WDR89: variants seen among roughly 807,000 people sequenced by gnomAD.
The protein encoded by WDR89 is WD repeat-containing protein 89.
In WDR89, 17 loss-of-function variants were observed where a neutral mutation model predicts 29.1. The observed-to-expected ratio is 0.58, with a 90% CI of 0.40 to 0.88. The LOEUF (loss-of-function observed/expected upper bound fraction) is 0.88. WDR89 is among the 40% of genes least tolerant of loss of function. The pLI is 0.00. For missense variants in WDR89, 396 were observed against 456.3 expected (o/e 0.87, Z 1.20); for synonymous variants, 138 against 157.8 (o/e 0.87, Z 0.94).
chr14:63,610,919 C>T (rs1881943668), intron 2 of WDR89, among the ~76,000 whole-genome samples: 1 of 151,278 alleles, frequency 6.6e-6, no homozygotes, highest in Non-Finnish European at 1.5e-5. Context: ...CCAGGCTGGT[C>T]TCGAACTCCT....
chr14:63,634,116 G>C (rs895467362), intron 1 of WDR89, among the ~76,000 whole-genome samples: 6 of 152,232 alleles, frequency 3.9e-5, no homozygotes, highest in African/African-American at 1.4e-4. Flanking sequence ...GCCGGGCACA[G>C]TGGCTCACAC....
intron 2 of WDR89, among the ~76,000 whole-genome samples, chr14:63,618,390 A>T (rs1882452541): frequency 6.6e-6 from 1 of 152,088 alleles, no homozygotes; most frequent in Admixed American, 6.6e-5. Context: ...CCTGGACTCA[A>T]GCAATCTGCC....
rs966450840 is a variant in WDR89, at chr14:63,601,863, G to A, written c.-31-1890C>T. 5.9e-5 allele frequency: 41 copies of A among 690,242 alleles called. No homozygotes were observed. In the East Asian group the frequency reaches 6.1e-4, roughly 10 times the overall value. The allele number at this position is 690,242 out of a possible 1,614,324, so 42.8% of individuals were successfully genotyped here. A position where few individuals can be genotyped will look rare whatever the true frequency, so the allele number is the denominator to read the frequency against. ...TCAACATGAAGCTGCCCATTCCACC[G>A]AAGTTCTGAAATCTTTCATCATGTA... On this transcript the variant is annotated intron_variant, in intron 2 of 2. Transcript: ENST00000620954.
At chr14:63,601,366 G>T in intron 2 of WDR89, 7 of 559,864 alleles carry the variant, frequency 1.3e-5, no homozygotes, top group South Asian at 8.0e-5. Flanking sequence ...CACGGACTGT[G>T]CTCTAAACCA....
chr14:63,637,590 A>G (rs1883820797), intron 1 of WDR89, among the ~76,000 whole-genome samples: 1 of 152,130 alleles, frequency 6.6e-6, no homozygotes, highest in Admixed American at 6.6e-5. Context: ...GTGTATATAT[A>G]TGTGTATATA....
chr14:63,626,676 CAAAAAAAAAAAA>C (rs35582220), intron 1 of WDR89, among the ~76,000 whole-genome samples: 20 of 34,586 alleles, frequency 5.8e-4, no homozygotes, highest in East Asian at 2.9e-3. Context: ...GAGACTGTCT[CAAAAAAAAAAAA>C]AAAAAAAAAA....
intron 1 of WDR89, among the ~76,000 whole-genome samples, chr14:63,631,062 G>A (rs1883369231): frequency 6.6e-6 from 1 of 152,162 alleles, no homozygotes; most frequent in Admixed American, 6.6e-5. Flanking sequence ...ACTGGGCCCA[G>A]CCTGTACTGT....
intron 2 of WDR89, among the ~76,000 whole-genome samples, chr14:63,618,446 T>C (rs1882456758): frequency 6.6e-6 from 1 of 152,180 alleles, no homozygotes; most frequent in South Asian, 2.1e-4. Flanking sequence ...GGAGGCAGTG[T>C]GCCTGGCTTG....
At chr14:63,600,063 C>T (rs1372312894) in intron 2 of WDR89, 90 bp from the exon 3 acceptor site, 6 of 720,190 alleles carry the variant, frequency 8.3e-6, no homozygotes, top group Non-Finnish European at 1.2e-5. Flanking sequence ...TCTAAAATTG[C>T]AATTAAATCA....
chr14:63,633,867 G>C (rs1883562524), intron 1 of WDR89, among the ~76,000 whole-genome samples: 1 of 152,180 alleles, frequency 6.6e-6, no homozygotes, highest in Non-Finnish European at 1.5e-5. Context: ...CAGATGTGAA[G>C]GATAAAAAGA....
chr14:63,637,998 T>A (rs1883850678), intron 1 of WDR89, among the ~76,000 whole-genome samples: 1 of 151,768 alleles, frequency 6.6e-6, no homozygotes. Context: ...CAGGCTGGAG[T>A]GCAGTGGCAC....
chr14:63,600,844 G>C (rs539776454), intron 2 of WDR89, among the ~76,000 whole-genome samples: 2 of 149,234 alleles, frequency 1.3e-5, no homozygotes, highest in Non-Finnish European at 3.0e-5. Flanking sequence ...TGGAATTAAG[G>C]TTGCTTATCA....
intron 2 of WDR89, among the ~76,000 whole-genome samples, chr14:63,619,043 T>C (rs1882502018): frequency 6.6e-6 from 1 of 152,166 alleles, no homozygotes; most frequent in Non-Finnish European, 1.5e-5. Flanking sequence ...TGCGTATTTT[T>C]AAAAATCATG....
intron 1 of WDR89, among the ~76,000 whole-genome samples, chr14:63,636,964 C>T (rs758070825): frequency 1.3e-5 from 2 of 152,136 alleles, no homozygotes; most frequent in Non-Finnish European, 2.9e-5. Flanking sequence ...GAATTGTCAA[C>T]AGAGTCAATA....
chr14:63,614,718 A>C (rs1267994311), intron 2 of WDR89, among the ~76,000 whole-genome samples: 2 of 152,256 alleles, frequency 1.3e-5, no homozygotes, highest in African/African-American at 2.4e-5. Context: ...TGTATGTTTT[A>C]AACTAACACA....
intron 2 of WDR89, among the ~76,000 whole-genome samples, chr14:63,606,321 T>A (rs1895319179): frequency 1.3e-5 from 2 of 152,102 alleles, no homozygotes; most frequent in South Asian, 2.1e-4. Context: ...AAAGTAGAAA[T>A]AGGCTTATGG....
chr14:63,631,953 A>C (rs1191215479), intron 1 of WDR89, among the ~76,000 whole-genome samples: 3 of 151,932 alleles, frequency 2.0e-5, no homozygotes, highest in Non-Finnish European at 4.4e-5. Flanking sequence ...CTCTACTAAA[A>C]ACAGAAAAAT....
chr14:63,597,260 C>A lies in WDR89; in HGVS notation c.*1519G>T, dbSNP rs1384034870. ...CAGGAGAACATCGTAGGGGAAACCA[C>A]CCCCATGATCCAATCACCTCCCACC... On this transcript the variant is annotated 3_prime_UTR_variant, in exon 3 of 3. Coordinates refer to ENST00000620954, the MANE Select transcript of WDR89 (RefSeq NM_080666.4). 1 of 152,188 alleles carries A rather than the reference C, an allele frequency of 6.6e-6. No homozygotes were observed. Among genetic ancestry groups the A allele is most frequent in the East Asian group, 1.9e-4 (1 of 5,200 alleles). 9.4% of individuals were successfully genotyped at this position (152,188 alleles called of 1,614,324 possible). A position where few individuals can be genotyped will look rare whatever the true frequency, so the allele number is the denominator to read the frequency against.
intron 2 of WDR89, among the ~76,000 whole-genome samples, chr14:63,609,502 C>T (rs1030261710): frequency 1.3e-5 from 2 of 152,070 alleles, no homozygotes; most frequent in African/African-American, 4.8e-5. Context: ...CTCTAAAGAG[C>T]ATATGGCCGG....
Sources: gnomAD v4.1 joint callset for allele counts (sites outside exome capture counted in the v4.1 genomes callset) on GRCh38, gnomAD v4.1.1 for gene constraint, MANE v1.5 for transcripts, NCBI Gene and HGNC (gene_info 2026-07-23, HGNC 2026-07-21) for gene names.